The following CTPS2 variants were observed in gnomAD, a reference collection of about 807,000 sequenced individuals.
The protein encoded by CTPS2 is CTP synthase II.
A neutral mutation model predicts 46.8 loss-of-function variants in CTPS2; 19 were observed. That is an observed-to-expected ratio of 0.41 (90% CI 0.28 to 0.60). CTPS2 has a LOEUF of 0.60. CTPS2 is among the 20% of genes least tolerant of loss of function. The pLI is 0.35. For missense variants in CTPS2, 286 were observed against 447.6 expected, an observed-to-expected ratio of 0.64 and a Z score of 3.26; for synonymous variants, 151 against 165.2, an observed-to-expected ratio of 0.91 and a Z score of 0.66.
intron 11 of CTPS2, among the ~76,000 whole-genome samples, chrX:16,670,008 G>A (rs1425607957): frequency 9.1e-6 from 1 of 109,878 alleles, no homozygotes; most frequent in Non-Finnish European, 1.9e-5. Flanking sequence ...CAGATTGCTT[G>A]AGCCCAGGAG....
intron 8 of CTPS2, among the ~76,000 whole-genome samples, chrX:16,685,977 G>A (rs1335207235): frequency 2.7e-5 from 3 of 109,776 alleles, no homozygotes; most frequent in African/African-American, 9.9e-5. Flanking sequence ...AGGGACCCCT[G>A]GCCTCTGAGC....
intron 8 of CTPS2, among the ~76,000 whole-genome samples, chrX:16,684,509 CAA>C (rs1334791360): frequency 1.4e-5 from 1 of 70,035 alleles, no homozygotes; most frequent in Non-Finnish European, 2.8e-5. Context: ...ACTCTGTCTC[CAA>C]AAAAAAAAAA....
At chrX:16,675,463 T>C (rs1023166839) in intron 10 of CTPS2, among the ~76,000 whole-genome samples, 3 of 112,046 alleles carry the variant, frequency 2.7e-5, no homozygotes, top group Non-Finnish European at 5.6e-5. Flanking sequence ...CTGTCAAATA[T>C]GAAATGGTGT....
chrX:16,636,842 G>A lies in CTPS2; in HGVS notation c.1393+2305C>T, dbSNP rs776131059. Among the ~76,000 whole-genome samples, 7 of 110,026 alleles carry A rather than the reference G, an allele frequency of 6.4e-5. No homozygotes were observed. In the South Asian group the frequency reaches 2.7e-3, roughly 43 times the overall value. On this transcript the variant is annotated intron_variant, in intron 14 of 18. Transcript: ENST00000359276. ...TGAGGCAGGAGAATGGCGTGAACCT[G>A]GGAGGCGGAGCTTGCAGTGAGCCGA...
chrX:16,685,904 G>C (rs2147343842), intron 8 of CTPS2, among the ~76,000 whole-genome samples: 1 of 106,573 alleles, frequency 9.4e-6, no homozygotes, highest in East Asian at 2.9e-4. Context: ...CAATGAATAG[G>C]AGGAGGTGGA....
chrX:16,613,999 C>G (rs952520653), intron 16 of CTPS2, among the ~76,000 whole-genome samples: 1 of 111,268 alleles, frequency 9.0e-6, no homozygotes, highest in East Asian at 2.8e-4. Flanking sequence ...AAACACTCTA[C>G]AACAGGGGTG....
chrX:16,640,123 G>A (rs907076985), intron 13 of CTPS2, among the ~76,000 whole-genome samples: 5 of 111,238 alleles, frequency 4.5e-5, no homozygotes, highest in Non-Finnish European at 5.6e-5. Context: ...ATCTTAGTGC[G>A]GCATTTTTCC....
chrX:16,630,324 G>A (rs751548142), intron 14 of CTPS2, among the ~76,000 whole-genome samples: 1 of 99,886 alleles, frequency 1.0e-5, no homozygotes, highest in South Asian at 4.8e-4. Context: ...GTGTGATCTC[G>A]GCTCACTGCA....
chrX:16,655,431 C>T (rs1186876542), intron 13 of CTPS2, among the ~76,000 whole-genome samples: 2 of 111,790 alleles, frequency 1.8e-5, no homozygotes, highest in African/African-American at 6.5e-5. Context: ...CTAGGGGATG[C>T]AGGGGGTGAA....
chrX:16,712,467 TC>T lies in CTPS2; in HGVS notation c.-173del, dbSNP rs1295325224. 2.7e-5 allele frequency: 3 copies of T among 112,537 alleles called. No individual in the cohort carries two copies. Among genetic ancestry groups the T allele is most frequent in the Non-Finnish European group, 3.8e-5 (2 of 53,107 alleles). 9.3% of individuals were successfully genotyped at this position (112,537 alleles called of 1,213,427 possible). ...GGGCTGTCCAAAGCCGCCCCCGGGATCTTCCCACCGCCCACACGGGCCTCGG... is the reference window on the plus strand; with the variant it reads ...GGGCTGTCCAAAGCCGCCCCCGGGATTTCCCACCGCCCACACGGGCCTCGG... On this transcript the variant is annotated 5_prime_UTR_variant, in exon 1 of 19. Transcript: ENST00000359276.
chrX:16,670,398 C>A, intron 11 of CTPS2, among the ~76,000 whole-genome samples, 182 bp downstream of exon 11: 1 of 112,040 alleles, frequency 8.9e-6, no homozygotes, highest in East Asian at 2.8e-4. Flanking sequence ...AAGCTTTATT[C>A]ATAAAAACAG....
At chrX:16,703,931 CTT>C (rs59145743) in intron 1 of CTPS2, among the ~76,000 whole-genome samples, 3 of 92,574 alleles carry the variant, frequency 3.2e-5, no homozygotes, top group Non-Finnish European at 2.2e-5. Flanking sequence ...TGGGCAAGTT[CTT>C]TTTTTTTTTT....
At chrX:16,598,265 A>G (rs1018716162) in intron 17 of CTPS2, among the ~76,000 whole-genome samples, 5 of 111,800 alleles carry the variant, frequency 4.5e-5, no homozygotes, top group African/African-American at 1.3e-4. Context: ...TAATGAATCC[A>G]GGAGCTGGTT....
In CTPS2 at chrX:16,702,807, GA is replaced by G; in HGVS notation, c.95del (p.Leu32ProfsTer6). The G allele has an allele frequency of 2.5e-6, 3 of 1,209,778 alleles. No homozygotes were observed. The highest frequency in any genetic ancestry group is 3.4e-6 in the Non-Finnish European group (3 of 894,230). On this transcript the variant is annotated frameshift_variant, in exon 2 of 19. Transcript: ENST00000359276. LOFTEE classifies it high-confidence loss of function. Reference protein sequence around the residue: ...SIGTILKSCGLRVTAIKIDPY... With the variant: ...SIGTILKSCGXRVTAIKIDPY... ...GGTCGATTTTTATGGCAGTAACTCG[GA>G]GTCCACATGATTTTAGAATCGTTCC...
chrX:16,681,418 T>C (rs1393999800), intron 9 of CTPS2, among the ~76,000 whole-genome samples: 1 of 111,754 alleles, frequency 8.9e-6, no homozygotes, highest in Non-Finnish European at 1.9e-5. Context: ...AACAATGATA[T>C]ACTCATACTG....
chrX:16,704,994 G>A (rs1170297444), intron 1 of CTPS2, among the ~76,000 whole-genome samples: 4 of 109,475 alleles, frequency 3.7e-5, no homozygotes, highest in African/African-American at 1.0e-4. Flanking sequence ...AAAATGATGC[G>A]TCAATGTAGG....
intron 13 of CTPS2, among the ~76,000 whole-genome samples, chrX:16,665,311 C>CA (rs1447854234): frequency 1.8e-5 from 2 of 112,480 alleles, no homozygotes; most frequent in Admixed American, 1.9e-4. Context: ...TATGTCCACA[C>CA]AAAAACTTGC....
intron 17 of CTPS2, among the ~76,000 whole-genome samples, chrX:16,595,162 TACACAC>T (rs10643985): frequency 5.8e-5 from 6 of 102,727 alleles, no homozygotes; most frequent in African/African-American, 1.4e-4. Context: ...AGCAATCTTT[TACACAC>T]ACACACACAC....
intron 16 of CTPS2, among the ~76,000 whole-genome samples, chrX:16,610,408 T>C (rs1411386545): frequency 9.0e-6 from 1 of 111,078 alleles, no homozygotes; most frequent in African/African-American, 3.3e-5. Context: ...AAATCACAAA[T>C]TCCCATCACT....
Sources: gnomAD v4.1 joint callset for allele counts (sites outside exome capture counted in the v4.1 genomes callset) on GRCh38, gnomAD v4.1.1 for gene constraint, MANE v1.5 for transcripts, NCBI Gene and HGNC (gene_info 2026-07-23, HGNC 2026-07-21) for gene names.